PLXDC2: variants seen among roughly 807,000 people sequenced by gnomAD.
PLXDC2 encodes plexin domain-containing protein 2.
Under a neutral mutation model 68.9 loss-of-function variants are expected in PLXDC2, and 40 were observed. That is an observed-to-expected ratio of 0.58 (90% CI 0.45 to 0.76). The LOEUF (loss-of-function observed/expected upper bound fraction) is 0.76, where lower values mean the gene tolerates loss of function less well. PLXDC2 is among the 30% of genes least tolerant of loss of function. The pLI, the probability that PLXDC2 is intolerant of heterozygous loss-of-function variation, is 0.00. For missense variants in PLXDC2, 644 were observed against 661.9 expected, an observed-to-expected ratio of 0.97 and a Z score of 0.30; for synonymous variants, 243 against 234.2, an observed-to-expected ratio of 1.04 and a Z score of -0.34.
At chr10:19,955,096 T>C (rs985917119) in intron 1 of PLXDC2, among the ~76,000 whole-genome samples, 3 of 149,028 alleles carry the variant, frequency 2.0e-5, no homozygotes, top group East Asian at 3.9e-4. Flanking sequence ...TTTTTTTTTT[T>C]CCTGAGACAG....
chr10:20,209,799 G>A (rs990678032), intron 9 of PLXDC2, among the ~76,000 whole-genome samples: 2 of 152,134 alleles, frequency 1.3e-5, no homozygotes, highest in African/African-American at 2.4e-5. Context: ...TTACGAAGAT[G>A]ACAGGATTAA....
intron 1 of PLXDC2, among the ~76,000 whole-genome samples, chr10:19,854,155 G>C (rs761886069): frequency 3.3e-4 from 50 of 152,310 alleles, no homozygotes; most frequent in South Asian, 6.2e-4. Flanking sequence ...GGAATTTCTG[G>C]GGGCTGCTCT....
chr10:20,141,249 T>G (rs573515656), intron 4 of PLXDC2, among the ~76,000 whole-genome samples: 2 of 151,402 alleles, frequency 1.3e-5, no homozygotes, highest in African/African-American at 2.4e-5. Flanking sequence ...TTGGCAAATC[T>G]ATGTAGAAAC....
In PLXDC2 at chr10:20,287,305, T is replaced by C. The variant is rs1369971472; in HGVS notation, c.*7486T>C. 6 of 152,148 alleles carry C rather than the reference T, an allele frequency of 3.9e-5. No homozygotes were observed. The East Asian group carries it at 1.2e-3, about 29-fold the overall frequency. 9.4% of individuals were successfully genotyped at this position (152,148 alleles called of 1,614,324 possible). A position where few individuals can be genotyped will look rare whatever the true frequency, so the allele number is the denominator to read the frequency against. On this transcript the variant is annotated 3_prime_UTR_variant, in exon 14 of 14. Transcript: ENST00000377252. ...TTAGTGAATGACCAAAAAGAGACTT[T>C]CCATTTATCTTCCTTTGACTTAAAA...
intron 9 of PLXDC2, among the ~76,000 whole-genome samples, chr10:20,211,403 G>A (rs987962676): frequency 6.6e-6 from 1 of 152,082 alleles, no homozygotes; most frequent in Non-Finnish European, 1.5e-5. Context: ...AGGGATCTAG[G>A]TATTCCGTAC....
At chr10:20,172,826 A>G (rs1168767558) in intron 7 of PLXDC2, among the ~76,000 whole-genome samples, 2 of 152,176 alleles carry the variant, frequency 1.3e-5, no homozygotes, top group African/African-American at 4.8e-5. Context: ...CTTTGCAAGC[A>G]ATGAGGGAAT....
In PLXDC2 at chr10:20,064,548, G is replaced by A. The variant is rs114540961; in HGVS notation, c.472-3622G>A. 1.6e-3 allele frequency among the ~76,000 whole-genome samples: 241 copies of A among 152,060 alleles called. 2 individuals carry two copies. The highest frequency in any genetic ancestry group is 5.6e-3 in the African/African-American group (233 of 41,460). Reference sequence around the variant, plus strand: ...GCCCAGGGTTCTGTTAGCCTTTTTGGTTGCAGAAGAGTCCTTTGTTTTATA... The same window carrying A: ...GCCCAGGGTTCTGTTAGCCTTTTTGATTGCAGAAGAGTCCTTTGTTTTATA... On this transcript the variant is annotated intron_variant, in intron 3 of 13. Transcript: ENST00000377252.
Position 20,190,804 on chromosome 10 carries a change from T to G in PLXDC2, c.1061+13395T>G, listed in dbSNP as rs116571242. Reference sequence around the variant, plus strand: ...ACGTTCATACTCAAGCCAGCTCTTTTAATATTTATGTAAGAAAATTATTAA... The same window carrying G: ...ACGTTCATACTCAAGCCAGCTCTTTGAATATTTATGTAAGAAAATTATTAA... On this transcript the variant is annotated intron_variant, in intron 9 of 13. Coordinates refer to ENST00000377252, the MANE Select transcript of PLXDC2 (RefSeq NM_032812.9). Among the ~76,000 whole-genome samples the G allele has an allele frequency of 4.6e-3, 694 of 152,092 alleles. 3 individuals are homozygous for G. Among genetic ancestry groups the G allele is most frequent in the African/African-American group, 0.015 (617 of 41,540 alleles).
chr10:20,283,053 T>A lies in PLXDC2; in HGVS notation c.*3234T>A, dbSNP rs1390361551. 3 of 152,188 alleles carry A rather than the reference T, an allele frequency of 2.0e-5. No homozygotes were observed. The highest frequency in any genetic ancestry group is 1.3e-4 in the Admixed American group (2 of 15,272). The allele number at this position is 152,188 out of a possible 1,614,324, so 9.4% of individuals were successfully genotyped here. On this transcript the variant is annotated 3_prime_UTR_variant, in exon 14 of 14. Coordinates refer to ENST00000377252, the MANE Select transcript of PLXDC2 (RefSeq NM_032812.9). ...TACCATATTGGATAACAAGAAACACTTCCGTGGTTGAAGAAAATTTTAATG... is the reference window on the plus strand; with the variant it reads ...TACCATATTGGATAACAAGAAACACATCCGTGGTTGAAGAAAATTTTAATG...
chr10:20,024,077 T>A (rs1835357190), intron 2 of PLXDC2, among the ~76,000 whole-genome samples: 1 of 152,194 alleles, frequency 6.6e-6, no homozygotes, highest in Non-Finnish European at 1.5e-5. Flanking sequence ...TATGATATTC[T>A]GGGGGAAATT....
chr10:20,160,535 C>T (rs1345905064), intron 6 of PLXDC2, among the ~76,000 whole-genome samples: 1 of 151,996 alleles, frequency 6.6e-6, no homozygotes, highest in African/African-American at 2.4e-5. Context: ...CTGAAAGAAT[C>T]AAAGATCACT....
intron 1 of PLXDC2, among the ~76,000 whole-genome samples, chr10:19,942,830 C>T (rs1269787669): frequency 6.6e-6 from 1 of 152,030 alleles, no homozygotes; most frequent in African/African-American, 2.4e-5. Context: ...AAAAAATACT[C>T]GAAAGAAAAG....
chr10:19,907,755 T>C (rs1470420382), intron 1 of PLXDC2, among the ~76,000 whole-genome samples: 2 of 152,200 alleles, frequency 1.3e-5, no homozygotes, highest in Non-Finnish European at 2.9e-5. Flanking sequence ...TGGAAACCTG[T>C]CTATTTCCTC....
chr10:19,839,863 A>G (rs1836870953), intron 1 of PLXDC2, among the ~76,000 whole-genome samples: 1 of 152,178 alleles, frequency 6.6e-6, no homozygotes, highest in Non-Finnish European at 1.5e-5. Flanking sequence ...TATGATAACA[A>G]AGGTTGAAGG....
intron 4 of PLXDC2, among the ~76,000 whole-genome samples, chr10:20,085,071 C>T (rs1833172453): frequency 1.3e-5 from 2 of 151,698 alleles, no homozygotes; most frequent in African/African-American, 4.8e-5. Flanking sequence ...TTCTTTTTTC[C>T]TCCAGAGTTG....
rs1834884602 is a variant in PLXDC2, at chr10:19,998,974, T to A, written c.113-2801T>A. ...GTACAAAAACAAGAGTTTGACACAT[T>A]CATCAGACTTCTCAAATTTCAACTT... On this transcript the variant is annotated intron_variant, in intron 1 of 13. Transcript: ENST00000377252. 3.3e-5 allele frequency among the ~76,000 whole-genome samples: 5 copies of A among 152,320 alleles called. No individual in the cohort carries two copies. The South Asian group carries it at 1.0e-3, about 32-fold the overall frequency.
intron 1 of PLXDC2, among the ~76,000 whole-genome samples, chr10:19,852,425 C>CAAAAAAAAAAAA (rs61430454): frequency 9.7e-5 from 6 of 61,938 alleles, no homozygotes; most frequent in Non-Finnish European, 1.2e-4. Flanking sequence ...GACCCTGTCT[C>CAAAAAAAAAAAA]AAAAAAAAAA....
At chr10:20,278,543 A>C (rs530831934) in intron 13 of PLXDC2, among the ~76,000 whole-genome samples, 1 of 152,270 alleles carries the variant, frequency 6.6e-6, no homozygotes, top group Admixed American at 6.5e-5. Context: ...TCAGCAAATA[A>C]ATTTACGGCA....
intron 1 of PLXDC2, among the ~76,000 whole-genome samples, chr10:19,987,087 A>G (rs893055319): frequency 6.6e-6 from 1 of 152,216 alleles, no homozygotes; most frequent in Non-Finnish European, 1.5e-5. Flanking sequence ...TGAAACATAA[A>G]TGGAGCAAAG....
Sources: allele counts gnomAD v4.1 joint callset (sites outside exome capture counted in the v4.1 genomes callset), GRCh38; gene constraint gnomAD v4.1.1; transcripts MANE v1.5; gene names NCBI Gene and HGNC (gene_info 2026-07-23, HGNC 2026-07-21).